CHD9: variants seen among roughly 807,000 people sequenced by gnomAD.
The protein encoded by CHD9 is chromodomain helicase DNA binding protein 9, also known as ATP-dependent chromatin remodeler CHD9.
Under a neutral mutation model 316.1 loss-of-function variants are expected in CHD9, and 77 were observed. That is an observed-to-expected ratio of 0.24 (90% CI 0.20 to 0.29). The LOEUF (loss-of-function observed/expected upper bound fraction) is 0.29. Among genes scored for constraint, CHD9 ranks in the 10% least tolerant of loss-of-function variants. The probability of loss-of-function intolerance (pLI) is 1.00; values close to 1 mark genes in which losing one functional copy is unlikely to be tolerated. For synonymous variants in CHD9, 1,129 were observed against 1,158.3 expected (o/e 0.97, Z 0.51); for missense variants, 2,763 against 3,438.1 (o/e 0.80, Z 4.91).
intron 2 of CHD9, among the ~76,000 whole-genome samples, chr16:53,195,481 A>G (rs1286290735): frequency 6.6e-6 from 1 of 152,076 alleles, no homozygotes; most frequent in Non-Finnish European, 1.5e-5. Context: ...TTCTTTTCTC[A>G]GGCTCTCACA....
In CHD9 at chr16:53,254,586, G is replaced by A; in HGVS notation, c.4010G>A (p.Arg1337Lys). 1 of 1,605,840 alleles carries A rather than the reference G, an allele frequency of 6.2e-7. No individual in the cohort carries two copies. The highest frequency in any genetic ancestry group is 8.5e-7 in the Non-Finnish European group (1 of 1,175,766). ...GCTGTGTTACAGAGCATGAGTGGAA[G>A]AGAAAGTAATGTTGGTGGTGTATGT... ...DKAVLQSMSG[R>K]ESNVGGIQQL... is the part of the protein sequence containing the mutation. The change falls in exon 18 of 39, where the codon AGA becomes AAA. Residue 1337 changes from arginine to lysine, a missense_variant. Physicochemically the swap from Arg to Lys is conservative, Grantham distance 26. Transcript: ENST00000447540.
chr16:53,243,693 G>C (rs970162240), intron 13 of CHD9, among the ~76,000 whole-genome samples: 12 of 152,172 alleles, frequency 7.9e-5, no homozygotes, highest in African/African-American at 2.9e-4. Context: ...ATATTATTCA[G>C]ATCATTTATG....
chr16:53,092,269 A>C (rs1005632094), intron 1 of CHD9, among the ~76,000 whole-genome samples: 13 of 141,262 alleles, frequency 9.2e-5, no homozygotes, highest in African/African-American at 3.5e-4. Context: ...AATCCAACCC[A>C]TGACTTTTCT....
chr16:53,257,138 A>C (rs1044530200), intron 19 of CHD9, among the ~76,000 whole-genome samples: 1 of 152,242 alleles, frequency 6.6e-6, no homozygotes, highest in African/African-American at 2.4e-5. Context: ...TTTTACAAAG[A>C]GAAAGAAAAA....
At chr16:53,234,213 G>C (rs73599623) in intron 10 of CHD9, among the ~76,000 whole-genome samples, 4 of 152,042 alleles carry the variant, frequency 2.6e-5, no homozygotes, top group African/African-American at 9.7e-5. Context: ...ATGCAACCTC[G>C]CTAAAATTAC....
intron 23 of CHD9, 81 bp from the exon 24 acceptor site, chr16:53,274,132 C>T (rs1283322717): frequency 3.6e-6 from 3 of 833,624 alleles, no homozygotes; most frequent in Non-Finnish European, 6.0e-6. Flanking sequence ...ACACAAATTC[C>T]TTCCTAATTT....
intron 1 of CHD9, among the ~76,000 whole-genome samples, chr16:53,070,697 AC>A (rs2033971459): frequency 6.6e-6 from 1 of 151,938 alleles, no homozygotes; most frequent in African/African-American, 2.4e-5. Flanking sequence ...TGGACTACAG[AC>A]ATGCACCACC....
chr16:53,097,123 T>G (rs1173657798), intron 1 of CHD9, among the ~76,000 whole-genome samples: 1 of 152,054 alleles, frequency 6.6e-6, no homozygotes, highest in African/African-American at 2.4e-5. Flanking sequence ...TAACCAGAGA[T>G]AGGGTCACAT....
chr16:53,268,961 C>G (rs1042742457), intron 22 of CHD9, among the ~76,000 whole-genome samples: 1 of 152,132 alleles, frequency 6.6e-6, no homozygotes, highest in East Asian at 1.9e-4. Context: ...TAGCACCACA[C>G]CCGGCTTTTA....
chr16:53,246,702 T>G (rs1298640930), intron 15 of CHD9, among the ~76,000 whole-genome samples: 2 of 152,030 alleles, frequency 1.3e-5, no homozygotes, highest in African/African-American at 4.8e-5. Flanking sequence ...TTTTTTCTTT[T>G]TGGTAGAGAT....
At chr16:53,310,514 G>A (rs945370476) in intron 34 of CHD9, among the ~76,000 whole-genome samples, 5 of 152,076 alleles carry the variant, frequency 3.3e-5, no homozygotes, top group Non-Finnish European at 7.4e-5. Context: ...GCTTTTGCCT[G>A]TAAGTCATTC....
intron 1 of CHD9, among the ~76,000 whole-genome samples, chr16:53,123,827 T>C (rs1338859258): frequency 6.6e-6 from 1 of 152,160 alleles, no homozygotes; most frequent in Admixed American, 6.5e-5. Flanking sequence ...TAAACATCTT[T>C]GTGTAATAAT....
intron 1 of CHD9, among the ~76,000 whole-genome samples, chr16:53,102,557 T>A (rs1408664061): frequency 6.6e-6 from 1 of 152,062 alleles, no homozygotes; most frequent in Non-Finnish European, 1.5e-5. Context: ...AATATTTTTT[T>A]AATAGATTTA....
intron 19 of CHD9, among the ~76,000 whole-genome samples, chr16:53,258,724 A>T (rs993088235): frequency 5.9e-5 from 9 of 152,210 alleles, no homozygotes; most frequent in Non-Finnish European, 1.3e-4. Context: ...CATATACATC[A>T]AATAGATAGA....
intron 34 of CHD9, among the ~76,000 whole-genome samples, chr16:53,309,488 T>A (rs1281324995): frequency 6.6e-6 from 1 of 152,224 alleles, no homozygotes; most frequent in Non-Finnish European, 1.5e-5. Flanking sequence ...AATTATCAGA[T>A]CTCCCCTACA....
Position 53,245,463 on chromosome 16 carries a change from T to C in CHD9, c.3182T>C (p.Leu1061Pro), listed in dbSNP as rs1356259812. 1.3e-6 allele frequency: 2 copies of C among 1,595,784 alleles called. No individual in the cohort carries two copies. The highest frequency in any genetic ancestry group is 1.7e-6 in the Non-Finnish European group (2 of 1,174,696). Residue 1061 changes from leucine to proline, a missense_variant, in exon 14 of 39, where the codon CTG becomes CCG. Transcript: ENST00000447540. The surrounding 1 kb of genome is among the most constrained non-coding windows in gnomAD (Gnocchi z 4.1). ...ACATTTATGCAAGAATTTGGGGATC[T>C]GAAAACAGAGGAACAGGTATCCTAT... ...ESTFMQEFGD[L>P]KTEEQVQKLQ...
chr16:53,122,968 C>T (rs1425263151), intron 1 of CHD9, among the ~76,000 whole-genome samples: 19 of 151,224 alleles, frequency 1.3e-4, no homozygotes, highest in East Asian at 9.8e-4. Context: ...CCACCCACCT[C>T]GGCCTCCCAA....
At position 53,112,065 on chromosome 16, in the gene CHD9, C is replaced by G. The variant is rs149539133; in HGVS notation, c.-164-43861C>G. 2.5e-3 allele frequency among the ~76,000 whole-genome samples: 385 copies of G among 152,346 alleles called. 5 individuals carry two copies. Among genetic ancestry groups the G allele is most frequent in the African/African-American group, 8.9e-3 (372 of 41,576 alleles). On this transcript the variant is annotated intron_variant, in intron 1 of 38. Transcript: ENST00000447540. ...GCTTGTATCAGTGCCAGCATATTCT[C>G]AACCAGACAACCTCTAAATTTGCTT... is the stretch of plus-strand genomic sequence containing the variant.
intron 3 of CHD9, among the ~76,000 whole-genome samples, chr16:53,212,458 A>G (rs1419211152): frequency 6.6e-6 from 1 of 152,140 alleles, no homozygotes; most frequent in Non-Finnish European, 1.5e-5. Context: ...ACAATAATTT[A>G]TGGTTGATGT....
Sources: allele counts gnomAD v4.1 joint callset (sites outside exome capture counted in the v4.1 genomes callset), GRCh38; gene constraint gnomAD v4.1.1; non-coding constraint Gnocchi (gnomAD v3.1); transcripts MANE v1.5; gene names NCBI Gene and HGNC (gene_info 2026-07-23, HGNC 2026-07-21).